The following DLG2 variants were observed in gnomAD, a reference collection of about 807,000 sequenced individuals.
DLG2 encodes disks large homolog 2.
Under a neutral mutation model 132.5 loss-of-function variants are expected in DLG2, and 45 were observed. The ratio of observed to expected loss-of-function variants is 0.34; its 90% CI spans 0.27 to 0.44. The LOEUF (loss-of-function observed/expected upper bound fraction) is 0.44, where lower values mean the gene tolerates loss of function less well. Ranked by LOEUF, DLG2 falls within the 20% of genes least tolerant of loss-of-function variation. The pLI is 1.00. For synonymous variants in DLG2, 424 were observed against 419.6 expected, an observed-to-expected ratio of 1.01 and a Z score of -0.13; for missense variants, 1,045 against 1,196.9, an observed-to-expected ratio of 0.87 and a Z score of 1.87.
intron 20 of DLG2, among the ~76,000 whole-genome samples, chr11:83,540,643 T>C (rs1171986079): frequency 6.6e-6 from 1 of 152,074 alleles, no homozygotes; most frequent in Non-Finnish European, 1.5e-5. Context: ...TATTCTGAGG[T>C]TTAAGTTCCA....
chr11:84,818,281 G>A (rs7113502), intron 6 of DLG2, among the ~76,000 whole-genome samples: 134,440 of 151,940 alleles, frequency 0.88, 60,674 homozygotes, highest in Middle Eastern at 0.98. Context: ...GCACAGTGCC[G>A]AGCACTTACA....
Position 83,909,785 on chromosome 11 carries a change from C to T in DLG2, c.1496+20543G>A, listed in dbSNP as rs138088208. 5.7e-3 allele frequency among the ~76,000 whole-genome samples: 869 copies of T among 152,240 alleles called. 8 individuals carry two copies. The highest frequency in any genetic ancestry group is 0.02 in the African/African-American group (822 of 41,548). Reference sequence around the variant, plus strand: ...GGAAAAGGACTTTGATCCCTGGAGACAGTATTGCTCAAGGGTTTGAATATA... The same window carrying T: ...GGAAAAGGACTTTGATCCCTGGAGATAGTATTGCTCAAGGGTTTGAATATA... On this transcript the variant is annotated intron_variant, in intron 15 of 27. Transcript: ENST00000376104.
chr11:85,144,414 T>C (rs906664976), intron 5 of DLG2, among the ~76,000 whole-genome samples: 2 of 151,302 alleles, frequency 1.3e-5, no homozygotes, highest in African/African-American at 4.8e-5. Flanking sequence ...AGTCCATTTA[T>C]AGTAAACGTT....
intron 19 of DLG2, among the ~76,000 whole-genome samples, chr11:83,574,266 G>C (rs1427641266): frequency 2.0e-5 from 3 of 151,964 alleles, no homozygotes; most frequent in Non-Finnish European, 4.4e-5. Context: ...AGCATGTACT[G>C]ATTTTAAAGA....
intron 4 of DLG2, among the ~76,000 whole-genome samples, chr11:85,181,869 C>T (rs1056536977): frequency 3.3e-5 from 5 of 151,502 alleles, no homozygotes; most frequent in African/African-American, 7.3e-5. Flanking sequence ...ATCATCGTCC[C>T]TTACAGGCTT....
At chr11:83,997,133 AAT>A (rs1273783500) in intron 11 of DLG2, among the ~76,000 whole-genome samples, 17 of 134,242 alleles carry the variant, frequency 1.3e-4, no homozygotes, top group South Asian at 4.9e-4. Context: ...AAAAAAAAAA[AAT>A]AAAAAATAAA....
In DLG2 at chr11:84,404,981, A is replaced by G. The variant is rs144780778; in HGVS notation, c.519+129589T>C. On this transcript the variant is annotated intron_variant, in intron 7 of 27. Transcript: ENST00000376104. ...AGGGACAAAGGAAGGAAGGAAACAA[A>G]CACTATTATAATAGGGAAAAGGGAC... Among the ~76,000 whole-genome samples, 5 of 152,278 alleles carry G rather than the reference A, an allele frequency of 3.3e-5. No individual in the cohort carries two copies. In the East Asian group the frequency reaches 9.7e-4, roughly 29 times the overall value.
At chr11:85,082,519 G>A (rs1315958396) in intron 6 of DLG2, among the ~76,000 whole-genome samples, 2 of 151,982 alleles carry the variant, frequency 1.3e-5, no homozygotes, top group Non-Finnish European at 2.9e-5. Flanking sequence ...CACCAAAAAA[G>A]CAGAAGACCC....
At chr11:83,668,867 A>ATTTTTTT (rs10635194) in intron 18 of DLG2, among the ~76,000 whole-genome samples, 1 of 110,378 alleles carries the variant, frequency 9.1e-6, no homozygotes, top group African/African-American at 3.6e-5. Flanking sequence ...ATATATATAT[A>ATTTTTTT]TTTTTTTTTT....
At chr11:85,326,426 G>C (rs1439710752) in intron 3 of DLG2, among the ~76,000 whole-genome samples, 1 of 114,972 alleles carries the variant, frequency 8.7e-6, no homozygotes, top group African/African-American at 3.4e-5. Flanking sequence ...CGGATCTCTC[G>C]GCAGAAACCC....
intron 18 of DLG2, among the ~76,000 whole-genome samples, chr11:83,713,548 T>G (rs1424686624): frequency 6.6e-6 from 1 of 152,092 alleles, no homozygotes; most frequent in African/African-American, 2.4e-5. Context: ...ATGGAAGGCC[T>G]TGAAAGCTAT....
intron 3 of DLG2, among the ~76,000 whole-genome samples, chr11:85,431,767 T>C (rs188481969): frequency 6.6e-6 from 1 of 152,238 alleles, no homozygotes; most frequent in African/African-American, 2.4e-5. Context: ...ACAACCCAGA[T>C]GAGTGGGGTC....
At chr11:83,486,332 T>C in intron 21 of DLG2, 1 of 611,084 alleles carries the variant, frequency 1.6e-6, no homozygotes, top group Non-Finnish European at 2.9e-6. Context: ...AACTTCAACA[T>C]CACCAATGAC....
intron 6 of DLG2, among the ~76,000 whole-genome samples, chr11:84,890,419 T>A (rs1057418465): frequency 6.6e-6 from 1 of 152,168 alleles, no homozygotes; most frequent in African/African-American, 2.4e-5. Context: ...CATATTCTTA[T>A]AAGAATTGGG....
intron 6 of DLG2, among the ~76,000 whole-genome samples, chr11:84,608,788 A>G (rs2099590212): frequency 6.6e-6 from 1 of 152,190 alleles, no homozygotes; most frequent in Admixed American, 6.5e-5. Context: ...ATCAAACTAC[A>G]AACAATTAAA....
chr11:84,826,308 T>A (rs2078323516), intron 6 of DLG2, among the ~76,000 whole-genome samples: 1 of 151,930 alleles, frequency 6.6e-6, no homozygotes, highest in Admixed American at 6.6e-5. Flanking sequence ...TCTTTCTAAC[T>A]ATTTTTTTGT....
intron 6 of DLG2, among the ~76,000 whole-genome samples, chr11:84,954,840 C>T (rs2154105028): frequency 6.6e-6 from 1 of 152,258 alleles, no homozygotes; most frequent in African/African-American, 2.4e-5. Flanking sequence ...TAAGTATACG[C>T]TAGGCACCGT....
chr11:85,625,939 C>T (rs1468397590), intron 2 of DLG2, among the ~76,000 whole-genome samples: 2 of 152,148 alleles, frequency 1.3e-5, no homozygotes, highest in African/African-American at 4.8e-5. Flanking sequence ...TTCACTAGAT[C>T]TTGATCAATT....
At chr11:85,447,890 C>A (rs1396985658) in intron 3 of DLG2, among the ~76,000 whole-genome samples, 7 of 151,974 alleles carry the variant, frequency 4.6e-5, no homozygotes, top group Non-Finnish European at 1.0e-4. Context: ...CAATTGTTTC[C>A]CAAACTGATC....
Sources: gnomAD v4.1 joint callset for allele counts (sites outside exome capture counted in the v4.1 genomes callset) on GRCh38, gnomAD v4.1.1 for gene constraint, MANE v1.5 for transcripts, NCBI Gene and HGNC (gene_info 2026-07-23, HGNC 2026-07-21) for gene names.